Variants in GALNT5 observed in about 807,000 individuals in gnomAD.
The protein encoded by GALNT5 is UDP-GalNAc:polypeptide N-acetylgalactosaminyltransferase 5.
A neutral mutation model predicts 85.4 loss-of-function variants in GALNT5; 72 were observed. That is an observed-to-expected ratio of 0.84 (90% CI 0.70 to 1.03). GALNT5 has a LOEUF of 1.03. Among genes scored for constraint, GALNT5 ranks in the 50% least tolerant of loss-of-function variants. The pLI is 0.00. For synonymous variants in GALNT5, 404 were observed against 397.0 expected (o/e 1.02, Z -0.21); for missense variants, 1,137 against 1,135.5 (o/e 1.00, Z -0.02).
At position 157,311,258 on chromosome 2, in the gene GALNT5, A is replaced by T. The variant is rs1683563785; in HGVS notation, c.2733A>T (p.Gly911=). ...ATCAGCAATTATTATGCTTGGAAGG[A>T]AATTTTTCTCAAAAGATCCTGAAAG... The part of the protein sequence containing the change: ...ENNQQLLCLE[G]NFSQKILKVA... The change falls in exon 10 of 10, where the codon GGA becomes GGT. Residue 911 remains glycine, a synonymous_variant. Transcript: ENST00000259056. 7.4e-6 allele frequency: 12 copies of T among 1,610,884 alleles called. No homozygotes were observed. Among genetic ancestry groups the T allele is most frequent in the Non-Finnish European group, 1.0e-5 (12 of 1,177,530 alleles).
chr2:157,257,850 G>A lies in GALNT5; in HGVS notation c.-233G>A. The A allele has an allele frequency of 3.6e-6, 2 of 555,188 alleles. No homozygotes were observed. The allele number at this position is 555,188 out of a possible 1,614,324, so 34.4% of individuals were successfully genotyped here. ...GCCAGTGTTTATCAGAACTTAGCCA[G>A]GGCCAGCCAAGCAGGCACAGATGCT... On this transcript the variant is annotated 5_prime_UTR_variant, in exon 1 of 10. Coordinates refer to ENST00000259056, the MANE Select transcript of GALNT5 (RefSeq NM_014568.3).
Position 157,313,687 on chromosome 2 carries a change from T to A in GALNT5, c.*2339T>A, listed in dbSNP as rs990691878. On this transcript the variant is annotated 3_prime_UTR_variant, in exon 10 of 10. Transcript: ENST00000259056. ...TGTTCTGAAAAAAAATGAATTGCAT[T>A]TTGAATACACTTATCTTTGGGTATA... 2.0e-5 allele frequency: 3 copies of A among 152,176 alleles called. No individual in the cohort carries two copies. The highest frequency in any genetic ancestry group is 7.2e-5 in the African/African-American group (3 of 41,438). The allele number at this position is 152,176 out of a possible 1,614,324, so 9.4% of individuals were successfully genotyped here.
chr2:157,281,519 A>T (rs1277659505), intron 1 of GALNT5, among the ~76,000 whole-genome samples: 1 of 152,208 alleles, frequency 6.6e-6, no homozygotes, highest in Non-Finnish European at 1.5e-5. Flanking sequence ...GTGAGGGCTC[A>T]GAAGGAAGTG....
At chr2:157,289,290 A>C (rs924327857) in intron 3 of GALNT5, among the ~76,000 whole-genome samples, 1 of 152,182 alleles carries the variant, frequency 6.6e-6, no homozygotes, top group Non-Finnish European at 1.5e-5. Flanking sequence ...CCATAATGTA[A>C]TTTATTTGAA....
rs1208803217 is a variant in GALNT5, at chr2:157,311,553, A to G, written c.*205A>G. The G allele has an allele frequency of 6.6e-6, 3 of 453,244 alleles. No homozygotes were observed. Among genetic ancestry groups the G allele is most frequent in the Non-Finnish European group, 1.2e-5 (3 of 258,564 alleles). 28.1% of individuals were successfully genotyped at this position (453,244 alleles called of 1,614,324 possible). A position where few individuals can be genotyped will look rare whatever the true frequency, so the allele number is the denominator to read the frequency against. On this transcript the variant is annotated 3_prime_UTR_variant, in exon 10 of 10. Transcript: ENST00000259056. ...CATTGGACTGAAGTCCTTCTTCGGA[A>G]CTGGGTGGCCTTTGAATTGCCTGCT...
chr2:157,317,198 A>ATTTT lies in GALNT5; in HGVS notation c.*5858_*5861dup, dbSNP rs1288089376. 3.4e-3 allele frequency among the ~76,000 whole-genome samples: 453 copies of ATTTT among 132,958 alleles called. 2 individuals carry two copies. Among genetic ancestry groups the ATTTT allele is most frequent in the African/African-American group, 0.01 (363 of 35,564 alleles). The allele number at this position is 132,958 out of a possible 152,430, so 87.2% of individuals were successfully genotyped here. ...TGTATATATATATATATATATATAT[A>ATTTT]TTTTTTTTTTTGATGCTTTGATCTG... On this transcript the variant is annotated 3_prime_UTR_variant, in exon 10 of 10. Transcript: ENST00000259056.
At chr2:157,292,945 T>C (rs940349717) in intron 3 of GALNT5, among the ~76,000 whole-genome samples, 1 of 152,120 alleles carries the variant, frequency 6.6e-6, no homozygotes, top group Non-Finnish European at 1.5e-5. Context: ...CTCATGATCC[T>C]ACCACCTCAG....
rs1023194276 is a variant in GALNT5, at chr2:157,315,538, C to T, written c.*4190C>T. Among the ~76,000 whole-genome samples, 6 of 152,112 alleles carry T rather than the reference C, an allele frequency of 3.9e-5. No individual in the cohort carries two copies. The highest frequency in any genetic ancestry group is 8.8e-5 in the Non-Finnish European group (6 of 68,024). ...TGAGATTGAATTAAACCCCTTTGGC[C>T]TCTTTTGGATGTTGTATAAACAGAA... is the stretch of plus-strand genomic sequence containing the variant. On this transcript the variant is annotated 3_prime_UTR_variant, in exon 10 of 10. Coordinates refer to ENST00000259056, the MANE Select transcript of GALNT5 (RefSeq NM_014568.3).
At position 157,258,012 on chromosome 2, in the gene GALNT5, T is replaced by A; in HGVS notation, c.-71T>A. On this transcript the variant is annotated 5_prime_UTR_variant, in exon 1 of 10. Coordinates refer to ENST00000259056, the MANE Select transcript of GALNT5 (RefSeq NM_014568.3). ...CTGCTGCTGCTGCTGCTGCTGCTGC[T>A]ACTTCAGCTTCCTCTCCACTCAAGG... 1 of 1,538,688 alleles carries A rather than the reference T, an allele frequency of 6.5e-7. No individual in the cohort carries two copies. Among genetic ancestry groups the A allele is most frequent in the South Asian group, 1.1e-5 (1 of 88,782 alleles).
At chr2:157,308,377 G>T (rs1683498146) in intron 8 of GALNT5, among the ~76,000 whole-genome samples, 190 bp from the exon 9 acceptor site, 2 of 152,164 alleles carry the variant, frequency 1.3e-5, no homozygotes, top group Non-Finnish European at 2.9e-5. Context: ...AAAATAATTA[G>T]AAAAATAAGA....
chr2:157,311,944 AATGGTTTTT>A lies in GALNT5; in HGVS notation c.*597_*605del, dbSNP rs757673698. 2.0e-5 allele frequency: 3 copies of A among 152,144 alleles called. No individual in the cohort carries two copies. Among genetic ancestry groups the A allele is most frequent in the Non-Finnish European group, 4.4e-5 (3 of 68,024 alleles). 9.4% of individuals were successfully genotyped at this position (152,144 alleles called of 1,614,324 possible). On this transcript the variant is annotated 3_prime_UTR_variant, in exon 10 of 10. Coordinates refer to ENST00000259056, the MANE Select transcript of GALNT5 (RefSeq NM_014568.3). ...GGCAGCATTTTGATCTAAATTACATAATGGTTTTTCCCAATCTGAATCAGTGGAAAAAAA... is the reference window on the plus strand; with the variant it reads ...GGCAGCATTTTGATCTAAATTACATACCCAATCTGAATCAGTGGAAAAAAA...
intron 1 of GALNT5, among the ~76,000 whole-genome samples, chr2:157,278,317 A>C (rs11896934): frequency 0.18 from 27,207 of 152,004 alleles, 5,558 homozygotes; most frequent in African/African-American, 0.5. Context: ...TGCTCTTCTC[A>C]TGGAGTATCT....
intron 7 of GALNT5, 132 bp downstream of exon 7, chr2:157,301,131 A>G: frequency 1.5e-6 from 1 of 667,374 alleles, no homozygotes; most frequent in Non-Finnish European, 2.5e-6. Context: ...GGGACAAAGC[A>G]TGGCTGAGAA....
intron 8 of GALNT5, among the ~76,000 whole-genome samples, chr2:157,307,952 A>G (rs1409990230): frequency 6.6e-6 from 1 of 152,228 alleles, no homozygotes; most frequent in East Asian, 1.9e-4. Context: ...AATTTCTCCA[A>G]GAGCAGTTTC....
rs1411634616 is a variant in GALNT5, at chr2:157,315,858, T to G, written c.*4510T>G. On this transcript the variant is annotated 3_prime_UTR_variant, in exon 10 of 10. Transcript: ENST00000259056. ...AGGAGTGGGTTTAGGAGTGGAAAGT[T>G]TAATAGATAAAGAAGAGAGTGAGAA... Among the ~76,000 whole-genome samples the G allele has an allele frequency of 6.6e-6, 1 of 151,952 alleles. No individual in the cohort carries two copies. The highest frequency in any genetic ancestry group is 1.5e-5 in the Non-Finnish European group (1 of 67,988).
intron 1 of GALNT5, among the ~76,000 whole-genome samples, chr2:157,281,612 A>G (rs187865669): frequency 8.5e-5 from 13 of 152,152 alleles, no homozygotes; most frequent in South Asian, 2.1e-4. Flanking sequence ...ATTTCAGAAA[A>G]AAAGAAAGAA....
At position 157,299,144 on chromosome 2, in the gene GALNT5, A is replaced by G. The variant is rs115515261; in HGVS notation, c.1998-404A>G. On this transcript the variant is annotated intron_variant, in intron 5 of 9. Coordinates refer to ENST00000259056, the MANE Select transcript of GALNT5 (RefSeq NM_014568.3). ...ATGGGCTGACAGATGTTGCAGCCAG[A>G]TCGCCCTCACATCCAGTGTTGCAGA... The G allele has an allele frequency of 8.6e-3, 1,330 of 154,706 alleles. 22 individuals are homozygous for G. Among genetic ancestry groups the G allele is most frequent in the African/African-American group, 0.03 (1,234 of 41,604 alleles). The allele number at this position is 154,706 out of a possible 1,614,324, so 9.6% of individuals were successfully genotyped here. A position where few individuals can be genotyped will look rare whatever the true frequency, so the allele number is the denominator to read the frequency against.
At position 157,284,328 on chromosome 2, in the gene GALNT5, A is replaced by G; in HGVS notation, c.1501A>G (p.Ile501Val). Reference sequence around the variant, plus strand: ...CAATAACCTCCCAACCACCAGTGTCATCATGTGCTTTGTGGATGAAGTGTG... The same window carrying G: ...CAATAACCTCCCAACCACCAGTGTCGTCATGTGCTTTGTGGATGAAGTGTG... ...VHNNLPTTSV[I>V]MCFVDEVWST... The change falls in exon 2 of 10, where the codon ATC (isoleucine) becomes GTC (valine). Residue 501 changes from isoleucine (I) to valine (V), a missense_variant. Ile to Val is a conservative substitution (Grantham distance 29). Coordinates refer to ENST00000259056, the MANE Select transcript of GALNT5 (RefSeq NM_014568.3). 6.2e-7 allele frequency: 1 copy of G among 1,614,030 alleles called. No individual in the cohort carries two copies. Among genetic ancestry groups the G allele is most frequent in the South Asian group, 1.1e-5 (1 of 91,082 alleles).
chr2:157,313,572 A>G lies in GALNT5; in HGVS notation c.*2224A>G, dbSNP rs891300525. On this transcript the variant is annotated 3_prime_UTR_variant, in exon 10 of 10. Transcript: ENST00000259056. ...TGCTAGGTGCCTCATGTAATTCTTC[A>G]TGTAACTAAAAAATGTTGAGAGGTT... 6.6e-6 allele frequency: 1 copy of G among 152,204 alleles called. No homozygotes were observed. Among genetic ancestry groups the G allele is most frequent in the African/African-American group, 2.4e-5 (1 of 41,466 alleles). The allele number at this position is 152,204 out of a possible 1,614,324, so 9.4% of individuals were successfully genotyped here.
Sources: allele counts gnomAD v4.1 joint callset (sites outside exome capture counted in the v4.1 genomes callset), GRCh38; gene constraint gnomAD v4.1.1; transcripts MANE v1.5; gene names NCBI Gene and HGNC (gene_info 2026-07-23, HGNC 2026-07-21).